HS6ST2: variants seen among roughly 807,000 people sequenced by gnomAD.
HS6ST2 encodes heparan sulfate 6-O-sulfotransferase 2, also known as heparan-sulfate 6-O-sulfotransferase 2.
In HS6ST2, 17 loss-of-function variants were observed where a neutral mutation model predicts 33.0. The observed-to-expected ratio is 0.52, with a 90% CI of 0.35 to 0.77. The LOEUF (loss-of-function observed/expected upper bound fraction) is 0.77. HS6ST2 is among the 30% of genes least tolerant of loss of function. HS6ST2 has a pLI of 0.01. For missense variants in HS6ST2, 519 were observed against 551.7 expected (o/e 0.94, Z 0.59); for synonymous variants, 248 against 237.1 (o/e 1.05, Z -0.42).
At chrX:132,946,272 G>A (rs1268533646) in intron 2 of HS6ST2, among the ~76,000 whole-genome samples, 1 of 111,850 alleles carries the variant, frequency 8.9e-6, no homozygotes, top group Admixed American at 9.4e-5. Context: ...CCATTACTGG[G>A]TATATACCCA....
chrX:132,649,845 G>A (rs78070754), intron 4 of HS6ST2, among the ~76,000 whole-genome samples: 5 of 90,873 alleles, frequency 5.5e-5, no homozygotes, highest in Admixed American at 1.1e-4. Flanking sequence ...GTGACAGAGC[G>A]AGACTCTATC....
chrX:132,836,628 T>G (rs1349333051), intron 2 of HS6ST2, among the ~76,000 whole-genome samples: 1 of 112,945 alleles, frequency 8.9e-6, no homozygotes, highest in Non-Finnish European at 1.9e-5. Flanking sequence ...CACTCTCATA[T>G]CTGCCCTGGC....
At chrX:132,709,695 C>A (rs1341485818) in intron 2 of HS6ST2, among the ~76,000 whole-genome samples, 1 of 110,087 alleles carries the variant, frequency 9.1e-6, no homozygotes, top group Non-Finnish European at 1.9e-5. Flanking sequence ...AAGTAATCTA[C>A]AATGTACTGA....
At chrX:132,681,582 T>G (rs1484075728) in intron 3 of HS6ST2, among the ~76,000 whole-genome samples, 3 of 111,710 alleles carry the variant, frequency 2.7e-5, no homozygotes, top group Non-Finnish European at 5.6e-5. Flanking sequence ...GCCAGGAGTT[T>G]GAGACCAGCC....
intron 2 of HS6ST2, among the ~76,000 whole-genome samples, chrX:132,736,619 A>G (rs1467532074): frequency 9.0e-6 from 1 of 111,663 alleles, no homozygotes; most frequent in Non-Finnish European, 1.9e-5. Flanking sequence ...TTCATTGTGA[A>G]TCACCTCCCA....
chrX:132,684,731 C>G (rs758126670), intron 3 of HS6ST2, among the ~76,000 whole-genome samples: 1 of 111,644 alleles, frequency 9.0e-6, no homozygotes, highest in South Asian at 3.8e-4. Flanking sequence ...TGTCTACATC[C>G]TTTTGGGAGC....
At chrX:132,637,841 T>A (rs5977722) in intron 4 of HS6ST2, among the ~76,000 whole-genome samples, 6,083 of 41,317 alleles carry the variant, frequency 0.15, 441 homozygotes, top group African/African-American at 0.36. Context: ...TATATAATAT[T>A]TTATATATAA....
At chrX:132,744,624 C>G (rs2064617693) in intron 2 of HS6ST2, among the ~76,000 whole-genome samples, 1 of 111,811 alleles carries the variant, frequency 8.9e-6, no homozygotes, top group East Asian at 2.8e-4. Context: ...ATCAGCCTAT[C>G]AGTTCACTCA....
intron 2 of HS6ST2, among the ~76,000 whole-genome samples, chrX:132,757,061 T>C (rs768051170): frequency 8.1e-5 from 9 of 111,606 alleles, no homozygotes; most frequent in Non-Finnish European, 1.5e-4. Context: ...GTAAAAGACA[T>C]AGATGTGTAA....
At chrX:132,671,000 G>C (rs1292243360) in intron 3 of HS6ST2, among the ~76,000 whole-genome samples, 1 of 111,684 alleles carries the variant, frequency 9.0e-6, no homozygotes, top group Admixed American at 9.4e-5. Flanking sequence ...GCACAGTGCA[G>C]GGACCATTAC....
intron 2 of HS6ST2, among the ~76,000 whole-genome samples, chrX:132,935,668 G>A (rs1480909698): frequency 9.0e-6 from 1 of 111,375 alleles, no homozygotes; most frequent in East Asian, 2.8e-4. Flanking sequence ...ATCATTTACA[G>A]AAGGAAATTT....
intron 2 of HS6ST2, among the ~76,000 whole-genome samples, chrX:132,882,986 A>G (rs1758405605): frequency 9.0e-6 from 1 of 111,477 alleles, no homozygotes; most frequent in African/African-American, 3.3e-5. Context: ...CCAGTTGATC[A>G]TGGTGGATAA....
chrX:132,677,094 A>G (rs891148609), intron 3 of HS6ST2, among the ~76,000 whole-genome samples: 1 of 112,339 alleles, frequency 8.9e-6, no homozygotes, highest in East Asian at 2.8e-4. Flanking sequence ...ATCCGGCATA[A>G]TTAAAAATTC....
chrX:132,640,154 G>A (rs2063591501), intron 4 of HS6ST2, among the ~76,000 whole-genome samples: 1 of 110,257 alleles, frequency 9.1e-6, no homozygotes, highest in Non-Finnish European at 1.9e-5. Flanking sequence ...TGGTGAGGAA[G>A]TTGCATGTAT....
intron 2 of HS6ST2, among the ~76,000 whole-genome samples, chrX:132,887,774 A>G (rs756893348): frequency 1.1e-4 from 12 of 112,451 alleles, no homozygotes; most frequent in African/African-American, 3.5e-4. Flanking sequence ...TGATGAATGG[A>G]CACACAAAAT....
At chrX:132,758,151 C>T (rs1441096073) in intron 2 of HS6ST2, 1 of 112,556 alleles carries the variant, frequency 8.9e-6, no homozygotes, top group Non-Finnish European at 1.9e-5. Flanking sequence ...ACTCATCCTG[C>T]AACTTTACTT....
intron 4 of HS6ST2, among the ~76,000 whole-genome samples, chrX:132,659,588 T>C (rs2063756123): frequency 9.2e-6 from 1 of 108,568 alleles, no homozygotes; most frequent in Non-Finnish European, 1.9e-5. Context: ...ATCTGAGGCC[T>C]CCAGCAGCAG....
chrX:132,830,693 T>C (rs1278208610), intron 2 of HS6ST2, among the ~76,000 whole-genome samples: 1 of 112,006 alleles, frequency 8.9e-6, no homozygotes, highest in African/African-American at 3.2e-5. Context: ...GGTCTTCCAT[T>C]AGCCAAAACC....
At chrX:132,863,476 C>T (rs2065932904) in intron 2 of HS6ST2, among the ~76,000 whole-genome samples, 1 of 101,317 alleles carries the variant, frequency 9.9e-6, no homozygotes, top group South Asian at 4.6e-4. Flanking sequence ...CACAGTGACA[C>T]ACCCAGCTAA....
Sources: allele counts gnomAD v4.1 joint callset (sites outside exome capture counted in the v4.1 genomes callset), GRCh38; gene constraint gnomAD v4.1.1; transcripts MANE v1.5; gene names NCBI Gene and HGNC (gene_info 2026-07-23, HGNC 2026-07-21).